Variants in RNF150 observed in about 807,000 individuals in gnomAD.
RNF150 encodes the protein ring finger protein 150.
RNF150 carries 24 observed loss-of-function variants against 39.3 expected under a neutral mutation model. That is an observed-to-expected ratio of 0.61 (90% CI 0.44 to 0.86). The LOEUF is 0.86. Ranked by LOEUF, RNF150 falls within the 40% of genes least tolerant of loss-of-function variation. The pLI is 0.00. For missense variants in RNF150, 502 were observed against 587.8 expected (o/e 0.85, Z 1.51); for synonymous variants, 255 against 227.3 (o/e 1.12, Z -1.10).
chr4:141,041,290 C>A (rs767073396), intron 1 of RNF150, among the ~76,000 whole-genome samples: 8 of 152,036 alleles, frequency 5.3e-5, no homozygotes, highest in Admixed American at 3.3e-4. Flanking sequence ...TCACAACATA[C>A]CATGGCAAAG....
rs551768518 is a variant in RNF150, at chr4:140,928,272, A to G, written c.891-2199T>C. ...AAGGGAGCTTGGCGAGGAGGTGCTT[A>G]TAACTGGGAGATTTATCCTAGTTGG... On this transcript the variant is annotated intron_variant, in intron 4 of 6. Transcript: ENST00000515673. 4.6e-5 allele frequency among the ~76,000 whole-genome samples: 7 copies of G among 152,340 alleles called. No homozygotes were observed. In the South Asian group the frequency reaches 1.5e-3, roughly 32 times the overall value.
intron 1 of RNF150, among the ~76,000 whole-genome samples, chr4:141,033,571 A>T (rs1736031410): frequency 6.6e-6 from 1 of 152,140 alleles, no homozygotes; most frequent in African/African-American, 2.4e-5. Context: ...TTTTCAATTG[A>T]CTTCACCCAC....
intron 1 of RNF150, among the ~76,000 whole-genome samples, chr4:141,040,008 C>T (rs574360848): frequency 1.3e-5 from 2 of 152,272 alleles, no homozygotes; most frequent in East Asian, 3.9e-4. Flanking sequence ...AACCCACAAA[C>T]TGCCCTCAGA....
chr4:141,111,617 A>C (rs567795685), intron 1 of RNF150, among the ~76,000 whole-genome samples: 137 of 152,304 alleles, frequency 9.0e-4, no homozygotes, highest in African/African-American at 3.1e-3. Context: ...ATCGCAACAA[A>C]AGGGAACACT....
intron 1 of RNF150, among the ~76,000 whole-genome samples, chr4:141,144,528 G>A (rs1727170565): frequency 6.6e-6 from 1 of 150,700 alleles, no homozygotes; most frequent in Non-Finnish European, 1.5e-5. Flanking sequence ...GAATTGCCTT[G>A]AAATCAGACT....
chr4:141,140,827 C>A (rs1727106075), intron 1 of RNF150, among the ~76,000 whole-genome samples: 2 of 152,192 alleles, frequency 1.3e-5, no homozygotes, highest in African/African-American at 4.8e-5. Flanking sequence ...TTCATAAATA[C>A]TTTCCCTTTT....
chr4:141,110,288 C>G (rs1739345045), intron 1 of RNF150, among the ~76,000 whole-genome samples: 1 of 152,184 alleles, frequency 6.6e-6, no homozygotes, highest in Non-Finnish European at 1.5e-5. Context: ...GGAACAGATT[C>G]TACTATCTTC....
intron 1 of RNF150, among the ~76,000 whole-genome samples, chr4:140,998,685 C>T (rs909755714): frequency 6.6e-6 from 1 of 152,150 alleles, no homozygotes; most frequent in Non-Finnish European, 1.5e-5. Context: ...GAACATGCCA[C>T]TAATTCAAAG....
chr4:140,938,923 C>G (rs763972426), intron 4 of RNF150, among the ~76,000 whole-genome samples: 2 of 152,220 alleles, frequency 1.3e-5, no homozygotes, highest in Non-Finnish European at 2.9e-5. Flanking sequence ...AAGCAGCTGT[C>G]TGTCTGGTTA....
At chr4:141,048,058 A>T (rs1246934371) in intron 1 of RNF150, among the ~76,000 whole-genome samples, 2 of 152,174 alleles carry the variant, frequency 1.3e-5, no homozygotes, top group Non-Finnish European at 2.9e-5. Flanking sequence ...AAGTGAACAA[A>T]CAGGGGTTGT....
At chr4:141,172,267 C>G (rs1727742349) in intron 1 of RNF150, among the ~76,000 whole-genome samples, 1 of 152,126 alleles carries the variant, frequency 6.6e-6, no homozygotes, top group Non-Finnish European at 1.5e-5. Context: ...AGAGGGCAAA[C>G]AGAACTTATG....
chr4:141,171,087 G>A (rs1405636977), intron 1 of RNF150, among the ~76,000 whole-genome samples: 3 of 152,140 alleles, frequency 2.0e-5, no homozygotes, highest in East Asian at 3.8e-4. Context: ...TCATGTTAAG[G>A]TTATAATGAA....
intron 1 of RNF150, among the ~76,000 whole-genome samples, chr4:141,034,887 T>C (rs967488855): frequency 2.0e-5 from 3 of 152,188 alleles, no homozygotes; most frequent in African/African-American, 7.2e-5. Flanking sequence ...AAAACAGATA[T>C]AATAATGAAA....
intron 5 of RNF150, among the ~76,000 whole-genome samples, chr4:140,911,851 C>CA (rs1730619887): frequency 6.6e-6 from 1 of 152,162 alleles, no homozygotes; most frequent in African/African-American, 2.4e-5. Context: ...AAGATACATA[C>CA]ATACCCTCAA....
chr4:140,887,380 A>C (rs1035017658), intron 6 of RNF150, among the ~76,000 whole-genome samples: 3 of 152,248 alleles, frequency 2.0e-5, no homozygotes, highest in Non-Finnish European at 4.4e-5. Flanking sequence ...GCTATGCCAG[A>C]TAATATGCAG....
intron 4 of RNF150, 31 bp from the exon 5 acceptor site, chr4:140,926,104 C>G: frequency 6.7e-7 from 1 of 1,499,544 alleles, no homozygotes; most frequent in Non-Finnish European, 9.3e-7. Context: ...CTTAGAGCGG[C>G]GGTAACTGCA....
At chr4:141,034,284 T>C (rs1162479795) in intron 1 of RNF150, among the ~76,000 whole-genome samples, 1 of 152,194 alleles carries the variant, frequency 6.6e-6, no homozygotes, top group Non-Finnish European at 1.5e-5. Context: ...CTTCAAACTT[T>C]TCTTTTGCAG....
intron 2 of RNF150, among the ~76,000 whole-genome samples, chr4:140,965,390 G>A (rs1037579870): frequency 6.6e-6 from 1 of 152,076 alleles, no homozygotes; most frequent in African/African-American, 2.4e-5. Context: ...CCTCTTCTGG[G>A]TATATATCCA....
At chr4:140,974,860 C>T (rs1733602620) in intron 1 of RNF150, among the ~76,000 whole-genome samples, 1 of 151,898 alleles carries the variant, frequency 6.6e-6, no homozygotes, top group Non-Finnish European at 1.5e-5. Context: ...TACAGGCGAC[C>T]CTTCATCAAC....
Sources: gnomAD v4.1 joint callset for allele counts (sites outside exome capture counted in the v4.1 genomes callset) on GRCh38, gnomAD v4.1.1 for gene constraint, MANE v1.5 for transcripts, NCBI Gene and HGNC (gene_info 2026-07-23, HGNC 2026-07-21) for gene names.